The following HMGN5 variants were observed in gnomAD, a reference collection of about 807,000 sequenced individuals.
The protein encoded by HMGN5 is high mobility group nucleosome binding domain 5, also known as high mobility group nucleosome-binding domain-containing protein 5.
HMGN5 carries 4 observed loss-of-function variants against 9.5 expected under a neutral mutation model. That is an observed-to-expected ratio of 0.42 (90% CI 0.21 to 0.96). HMGN5 has a LOEUF of 0.96. Ranked by LOEUF, HMGN5 falls within the 40% of genes least tolerant of loss-of-function variation. The pLI, the probability that HMGN5 is intolerant of heterozygous loss-of-function variation, is 0.30. For missense variants in HMGN5, 192 were observed against 187.5 expected, an observed-to-expected ratio of 1.02 and a Z score of -0.14; for synonymous variants, 55 against 57.1, an observed-to-expected ratio of 0.96 and a Z score of 0.16.
chrX:81,185,454 A>G (rs942399478), intron 1 of HMGN5, among the ~76,000 whole-genome samples: 7 of 111,828 alleles, frequency 6.3e-5, no homozygotes, highest in Non-Finnish European at 1.1e-4. Context: ...CAGTTATTAT[A>G]TGTTGATTTT....
At chrX:81,115,295 A>G in intron 6 of HMGN5, 65 bp from the exon 7 acceptor site, 1 of 1,042,273 alleles carries the variant, frequency 9.6e-7, no homozygotes, top group Non-Finnish European at 1.2e-6. Flanking sequence ...TCCCCTAAAT[A>G]TTTACACTGG....
intron 1 of HMGN5, among the ~76,000 whole-genome samples, chrX:81,195,967 T>C (rs771548866): frequency 2.7e-5 from 3 of 111,314 alleles, no homozygotes; most frequent in African/African-American, 6.5e-5. Context: ...AACACAATAC[T>C]TCAGGACTCC....
chrX:81,164,431 A>G (rs2075405741), intron 1 of HMGN5, among the ~76,000 whole-genome samples: 1 of 111,457 alleles, frequency 9.0e-6, no homozygotes, highest in African/African-American at 3.2e-5. Flanking sequence ...CCTTGTTGCT[A>G]GGTTTTCCCA....
chrX:81,155,102 T>TATATATATATATATACAC (rs1407923805), intron 1 of HMGN5, among the ~76,000 whole-genome samples: 7 of 91,064 alleles, frequency 7.7e-5, no homozygotes, highest in Admixed American at 2.6e-4. Context: ...TATATATATA[T>TATATATATATATATACAC]ACACACACAC....
In HMGN5 at chrX:81,166,860, T is replaced by C. The variant is rs758053407; in HGVS notation, c.-124+34877A>G. ...CATTCTTGGACTCAGTCAGCCCAGC[T>C]ACATGAACAACAAGGTCCCAAACAG... On this transcript the variant is annotated intron_variant, in intron 1 of 6. Transcript: ENST00000358130. 4.5e-5 allele frequency among the ~76,000 whole-genome samples: 5 copies of C among 111,619 alleles called. No homozygotes were observed. In the South Asian group the frequency reaches 1.9e-3, roughly 42 times the overall value.
At chrX:81,160,669 G>A (rs1359465309) in intron 1 of HMGN5, among the ~76,000 whole-genome samples, 1 of 111,566 alleles carries the variant, frequency 9.0e-6, no homozygotes, top group Admixed American at 9.6e-5. Flanking sequence ...ATGGCTTCCA[G>A]CTTCATCCAT....
chrX:81,130,010 C>CT (rs1273885393), intron 1 of HMGN5, among the ~76,000 whole-genome samples: 4 of 111,600 alleles, frequency 3.6e-5, no homozygotes, highest in Non-Finnish European at 7.5e-5. Flanking sequence ...GATGAAAAAA[C>CT]TTTTTAAATT....
intron 1 of HMGN5, among the ~76,000 whole-genome samples, chrX:81,159,176 T>G (rs1019116512): frequency 9.0e-6 from 1 of 111,187 alleles, no homozygotes; most frequent in African/African-American, 3.3e-5. Context: ...AAGTGTGAGC[T>G]GAACAATGGA....
In HMGN5 at chrX:81,201,876, T is replaced by C; in HGVS notation, c.-263A>G. 1 of 282,735 alleles carries C rather than the reference T, an allele frequency of 3.5e-6. No homozygotes were observed. Among genetic ancestry groups the C allele is most frequent in the Non-Finnish European group, 6.2e-6 (1 of 162,546 alleles). 23.3% of individuals were successfully genotyped at this position (282,735 alleles called of 1,213,427 possible). On this transcript the variant is annotated 5_prime_UTR_variant, in exon 1 of 7. Coordinates refer to ENST00000358130, the MANE Select transcript of HMGN5 (RefSeq NM_030763.3). ...CAGTTCTCCTTTTTCTTTCTTCTTC[T>C]CCTCGCCCTCTTCTCAGGGAAGGAA...
intron 1 of HMGN5, among the ~76,000 whole-genome samples, chrX:81,133,002 A>G (rs1288653014): frequency 8.9e-6 from 1 of 111,866 alleles, no homozygotes; most frequent in Middle Eastern, 4.2e-3. Context: ...ACTTAAATAA[A>G]TTTAGAAGAA....
chrX:81,179,089 A>G (rs189754944), intron 1 of HMGN5, among the ~76,000 whole-genome samples: 1 of 111,932 alleles, frequency 8.9e-6, no homozygotes, highest in Admixed American at 9.5e-5. Context: ...ACCCACAGCC[A>G]ATATAATACT....
At chrX:81,119,292 C>T (rs1222755531) in intron 3 of HMGN5, among the ~76,000 whole-genome samples, 3 of 111,361 alleles carry the variant, frequency 2.7e-5, no homozygotes, top group Non-Finnish European at 5.7e-5. Context: ...ATATAATTGT[C>T]GCACAACAAT....
chrX:81,134,741 C>T (rs2075306878), intron 1 of HMGN5, among the ~76,000 whole-genome samples: 1 of 111,801 alleles, frequency 8.9e-6, no homozygotes, highest in African/African-American at 3.2e-5. Context: ...TACAAAGCAT[C>T]ATTAAGACAG....
rs1264065607 is a variant in HMGN5, at chrX:81,114,277, G to A, written c.*372C>T. 1 of 118,640 alleles carries A rather than the reference G, an allele frequency of 8.4e-6. No individual in the cohort carries two copies. The highest frequency in any genetic ancestry group is 1.7e-5 in the Non-Finnish European group (1 of 57,874). The allele number at this position is 118,640 out of a possible 1,213,427, so 9.8% of individuals were successfully genotyped here. On this transcript the variant is annotated 3_prime_UTR_variant, in exon 7 of 7. Coordinates refer to ENST00000358130, the MANE Select transcript of HMGN5 (RefSeq NM_030763.3). ...AAAATAGTTCACCTTCTTTATAAAA[G>A]CAACCTGCAGAACAAGAATGTTGGA...
rs770230002 is a variant in HMGN5 at position 81,176,897 on chromosome X, A to G, written c.-124+24840T>C. ...AGGAGAACTTCCCCAACCTAGAAAG[A>G]CCTAGAAAGACAGGCCAACATTCAA... On this transcript the variant is annotated intron_variant, in intron 1 of 6. Transcript: ENST00000358130. Among the ~76,000 whole-genome samples the G allele has an allele frequency of 3.8e-3, 428 of 111,203 alleles. 2 individuals are homozygous for G. The highest frequency in any genetic ancestry group is 0.012 in the African/African-American group (382 of 30,588).
At chrX:81,146,972 C>A (rs2075346454) in intron 1 of HMGN5, among the ~76,000 whole-genome samples, 2 of 111,636 alleles carry the variant, frequency 1.8e-5, no homozygotes. Flanking sequence ...CCTGAATAGA[C>A]CAATAACAAG....
chrX:81,126,474 T>C (rs1443936875), intron 1 of HMGN5, among the ~76,000 whole-genome samples: 1 of 111,839 alleles, frequency 8.9e-6, no homozygotes, highest in Non-Finnish European at 1.9e-5. Context: ...TTTTACCTTA[T>C]TCCTTTATTT....
intron 5 of HMGN5, among the ~76,000 whole-genome samples, chrX:81,117,281 ACAGGGACTCCCTCTGTCGCC>A (rs1291589434): frequency 1.4e-5 from 1 of 72,456 alleles, no homozygotes; most frequent in Non-Finnish European, 2.5e-5. Context: ...TTTTTTTGAG[ACAGGGACTCCCTCTGTCGCC>A]CAGGCTGGAG....
intron 1 of HMGN5, among the ~76,000 whole-genome samples, chrX:81,190,196 C>T (rs1014273621): frequency 1.8e-5 from 2 of 111,661 alleles, no homozygotes; most frequent in African/African-American, 3.2e-5. Context: ...TGTCCCTTAT[C>T]GGATATGTCT....
Sources: gnomAD v4.1 joint callset for allele counts (sites outside exome capture counted in the v4.1 genomes callset) on GRCh38, gnomAD v4.1.1 for gene constraint, MANE v1.5 for transcripts, NCBI Gene and HGNC (gene_info 2026-07-23, HGNC 2026-07-21) for gene names.